The following CATSPERB variants were observed in gnomAD, a reference collection of about 807,000 sequenced individuals.
CATSPERB encodes catsper channel auxiliary subunit beta.
Under a neutral mutation model 128.3 loss-of-function variants are expected in CATSPERB, and 93 were observed. The observed-to-expected ratio is 0.72, with a 90% CI of 0.61 to 0.86. The LOEUF (loss-of-function observed/expected upper bound fraction) is 0.86. Ranked by LOEUF, CATSPERB falls within the 40% of genes least tolerant of loss-of-function variation. CATSPERB has a pLI of 0.00. For synonymous variants in CATSPERB, 381 were observed against 448.8 expected (o/e 0.85, Z 1.91); for missense variants, 1,153 against 1,329.5 (o/e 0.87, Z 2.06).
Position 91,621,981 on chromosome 14 carries a change from G to A in CATSPERB, c.1931-44C>T, listed in dbSNP as rs537332159. On this transcript the variant is annotated intron_variant, in intron 18 of 26. Coordinates refer to ENST00000256343, the MANE Select transcript of CATSPERB (RefSeq NM_024764.4). ...AGACTTGGTATTAAATCAAACATCC[G>A]ATGTTTGCCAAACAAACTGATGTAC... The A allele has an allele frequency of 2.2e-5, 29 of 1,342,190 alleles. No individual in the cohort carries two copies. In the South Asian group the frequency reaches 3.5e-4, roughly 16 times the overall value. 83.1% of individuals were successfully genotyped at this position (1,342,190 alleles called of 1,614,324 possible).
At chr14:91,693,340 T>A (rs1241110151) in intron 8 of CATSPERB, 44 bp downstream of exon 8, 1 of 1,558,804 alleles carries the variant, frequency 6.4e-7, no homozygotes, top group Admixed American at 1.7e-5. Context: ...CAAATATTGA[T>A]GTAAGTAAAA....
intron 22 of CATSPERB, among the ~76,000 whole-genome samples, chr14:91,602,341 G>A (rs1403921848): frequency 2.6e-5 from 4 of 152,132 alleles, no homozygotes; most frequent in Admixed American, 6.5e-5. Context: ...TTATTTTCAA[G>A]TTTGTTTTTA....
chr14:91,704,636 G>A lies in CATSPERB; in HGVS notation c.532C>T (p.His178Tyr), dbSNP rs748794307. The A allele has an allele frequency of 6.2e-7, 1 of 1,613,828 alleles. No homozygotes were observed. Among genetic ancestry groups the A allele is most frequent in the Non-Finnish European group, 8.5e-7 (1 of 1,179,800 alleles). The change falls in exon 7 of 27, where the codon CAT becomes TAT. Residue 178 changes from histidine to tyrosine, a missense_variant. Coordinates refer to ENST00000256343, the MANE Select transcript of CATSPERB (RefSeq NM_024764.4). ...PESEISKLYPHVVDLKVTKCP... is the reference protein window; with the variant it reads ...PESEISKLYPYVVDLKVTKCP... Reference sequence around the variant, plus strand: ...TTTGTCACTTTGAGATCTACCACATGTGGATATAATTTACTGATTTCACTT... The same window carrying A: ...TTTGTCACTTTGAGATCTACCACATATGGATATAATTTACTGATTTCACTT...
At chr14:91,639,348 A>G in intron 15 of CATSPERB, 98 bp from the exon 16 acceptor site, 1 of 950,678 alleles carries the variant, frequency 1.1e-6, no homozygotes, top group Non-Finnish European at 1.5e-6. Context: ...TTAAACTAAG[A>G]GGTGGAAGTA....
At chr14:91,619,065 A>G (rs1368289075) in intron 19 of CATSPERB, among the ~76,000 whole-genome samples, 1 of 152,230 alleles carries the variant, frequency 6.6e-6, no homozygotes, top group Non-Finnish European at 1.5e-5. Context: ...TGAGCCCTTT[A>G]ATAAGCAATT....
chr14:91,726,897 C>T (rs1220900933), intron 2 of CATSPERB, among the ~76,000 whole-genome samples: 2 of 152,096 alleles, frequency 1.3e-5, no homozygotes, highest in Admixed American at 6.5e-5. Flanking sequence ...GGGTCAAAAC[C>T]TAAAGTTGAT....
chr14:91,665,945 C>T (rs2139826058), intron 14 of CATSPERB, among the ~76,000 whole-genome samples: 1 of 152,272 alleles, frequency 6.6e-6, no homozygotes, highest in African/African-American at 2.4e-5. Context: ...TCCCCATAAT[C>T]CCCAGGTGTT....
At chr14:91,683,416 C>T (rs1437589871) in intron 11 of CATSPERB, among the ~76,000 whole-genome samples, 1 of 152,146 alleles carries the variant, frequency 6.6e-6, no homozygotes, top group Non-Finnish European at 1.5e-5. Flanking sequence ...ATTTTTGAAA[C>T]TGTTTTTTCT....
chr14:91,660,054 A>C, intron 14 of CATSPERB, 73 bp from the exon 15 acceptor site: 1 of 1,361,996 alleles, frequency 7.3e-7, no homozygotes, highest in East Asian at 2.4e-5. Flanking sequence ...ATCAGCCTAC[A>C]TGAGAATAGC....
At chr14:91,586,571 A>AGAGAGAGAGAGAGAG (rs374162982) in intron 26 of CATSPERB, among the ~76,000 whole-genome samples, 11 of 114,246 alleles carry the variant, frequency 9.6e-5, no homozygotes, top group African/African-American at 1.8e-4. Context: ...GAGAGAGAGA[A>AGAGAGAGAGAGAGAG]AGAGAGAGAG....
At chr14:91,703,591 A>T (rs1303455436) in intron 7 of CATSPERB, among the ~76,000 whole-genome samples, 1 of 152,172 alleles carries the variant, frequency 6.6e-6, no homozygotes, top group Non-Finnish European at 1.5e-5. Context: ...GAGGGTGTGG[A>T]GACTGAATAA....
intron 14 of CATSPERB, among the ~76,000 whole-genome samples, chr14:91,667,377 GAC>G (rs1172507771): frequency 6.6e-6 from 1 of 152,136 alleles, no homozygotes; most frequent in East Asian, 1.9e-4. Flanking sequence ...AAAGGAAAGA[GAC>G]AAAGAGACAG....
chr14:91,607,334 G>A (rs1893729608), intron 22 of CATSPERB, among the ~76,000 whole-genome samples: 1 of 152,108 alleles, frequency 6.6e-6, no homozygotes, highest in Non-Finnish European at 1.5e-5. Flanking sequence ...TGGAGATGGG[G>A]GTTATGATTC....
intron 11 of CATSPERB, 48 bp downstream of exon 11, chr14:91,683,829 A>G (rs370542712): frequency 1.4e-5 from 16 of 1,138,740 alleles, no homozygotes; most frequent in Non-Finnish European, 2.1e-5. Flanking sequence ...TCAGTTACAC[A>G]TATATGTAAA....
chr14:91,633,624 A>G (rs1264988797), intron 17 of CATSPERB, among the ~76,000 whole-genome samples: 2 of 152,156 alleles, frequency 1.3e-5, no homozygotes, highest in East Asian at 3.8e-4. Flanking sequence ...CCAGGACTTT[A>G]AGGTTGGTTC....
chr14:91,582,050 C>A (rs775037276), intron 26 of CATSPERB, among the ~76,000 whole-genome samples: 3 of 152,148 alleles, frequency 2.0e-5, no homozygotes, highest in Non-Finnish European at 2.9e-5. Context: ...CTAAAATTCC[C>A]CTCACATTCA....
chr14:91,686,003 T>G (rs1895368446), intron 10 of CATSPERB, among the ~76,000 whole-genome samples: 1 of 152,210 alleles, frequency 6.6e-6, no homozygotes, highest in African/African-American at 2.4e-5. Context: ...AAATCCCTAA[T>G]TTAGGGATCT....
At chr14:91,604,609 G>C in intron 22 of CATSPERB, 2 of 1,611,058 alleles carry the variant, frequency 1.2e-6, no homozygotes, top group Non-Finnish European at 1.7e-6. Flanking sequence ...AGAAGGGACT[G>C]TTCCAGGCCT....
intron 23 of CATSPERB, among the ~76,000 whole-genome samples, chr14:91,591,621 T>TGTGTGG (rs1271740900): frequency 6.6e-6 from 1 of 151,814 alleles, no homozygotes; most frequent in South Asian, 2.1e-4. Flanking sequence ...CACAGGGGTG[T>TGTGTGG]GTGTGGGTGT....
Sources: allele counts gnomAD v4.1 joint callset (sites outside exome capture counted in the v4.1 genomes callset), GRCh38; gene constraint gnomAD v4.1.1; transcripts MANE v1.5; gene names NCBI Gene and HGNC (gene_info 2026-07-23, HGNC 2026-07-21).